MYOM1: variants seen among roughly 807,000 people sequenced by gnomAD.
MYOM1 encodes myomesin 1.
MYOM1 carries 164 observed loss-of-function variants against 205.3 expected under a neutral mutation model. The observed-to-expected ratio is 0.80, with a 90% confidence interval of 0.70 to 0.91. The LOEUF (loss-of-function observed/expected upper bound fraction) is 0.91. MYOM1 is among the 40% of genes least tolerant of loss of function. The probability of loss-of-function intolerance (pLI) is 0.00; values close to 1 mark genes in which losing one functional copy is unlikely to be tolerated. For missense variants in MYOM1, 2,011 were observed against 2,127.3 expected, an observed-to-expected ratio of 0.95 and a Z score of 1.08; for synonymous variants, 772 against 789.4, an observed-to-expected ratio of 0.98 and a Z score of 0.37.
intron 5 of MYOM1, among the ~76,000 whole-genome samples, chr18:3,184,547 T>A (rs1471953362): frequency 6.6e-6 from 1 of 152,234 alleles, no homozygotes; most frequent in Non-Finnish European, 1.5e-5. Context: ...ACTATTTTCC[T>A]AGTTGTCTCC....
intron 18 of MYOM1, among the ~76,000 whole-genome samples, chr18:3,128,714 T>C (rs1411710531): frequency 1.3e-5 from 2 of 152,222 alleles, no homozygotes; most frequent in Non-Finnish European, 2.9e-5. Flanking sequence ...CTTAAAGTAT[T>C]TAATTTTCCA....
intron 12 of MYOM1, among the ~76,000 whole-genome samples, chr18:3,150,979 C>CTTTTTTTTTTTTTTTTTTTTTT (rs1164882266): frequency 1.8e-5 from 1 of 55,924 alleles, no homozygotes; most frequent in Non-Finnish European, 3.6e-5. Context: ...CCATGCCTGG[C>CTTTTTTTTTTTTTTTTTTTTTT]TTTTTTTTTT....
chr18:3,093,408 A>G (rs1444289602), intron 26 of MYOM1, among the ~76,000 whole-genome samples: 1 of 152,224 alleles, frequency 6.6e-6, no homozygotes, highest in African/African-American at 2.4e-5. Context: ...TTGTAACTCT[A>G]TCTACAAAAA....
chr18:3,241,647 C>A, the MYOM1 span, among the ~76,000 whole-genome samples: 445 of 152,328 alleles, frequency 2.9e-3, 3 homozygotes, highest in African/African-American at 9.2e-3. Context: ...CCTACTGGGG[C>A]CCCACTCAGT....
rs772009177 is a variant in MYOM1 at position 3,193,813 on chromosome 18, C to G, written c.431+5G>C. On this transcript the variant is annotated splice_donor_5th_base_variant and intron_variant, in intron 3 of 37. Coordinates refer to ENST00000356443, the MANE Select transcript of MYOM1 (RefSeq NM_003803.4). ...ATTAAAGCCAGGAAGAAAAAGCACA[C>G]TCACCGTCCTGAGAAAATGGGTACC... 4 of 1,610,640 alleles carry G rather than the reference C, an allele frequency of 2.5e-6. No individual in the cohort carries two copies. The Admixed American group carries it at 6.7e-5, about 27-fold the overall frequency.
chr18:3,247,284 A>AG, the MYOM1 span: 1 of 152,042 alleles, frequency 6.6e-6, no homozygotes, highest in Non-Finnish European at 1.5e-5. Flanking sequence ...ACACAGAGCT[A>AG]GCATCAAGAT....
chr18:3,151,999 A>C, intron 11 of MYOM1, 106 bp from the exon 12 acceptor site: 2 of 1,213,042 alleles, frequency 1.6e-6, no homozygotes, highest in Non-Finnish European at 2.3e-6. Flanking sequence ...CTCCCTATAA[A>C]ATATCCAAGT....
At chr18:3,161,941 A>T (rs1384009119) in intron 10 of MYOM1, among the ~76,000 whole-genome samples, 3 of 152,222 alleles carry the variant, frequency 2.0e-5, no homozygotes, top group Non-Finnish European at 4.4e-5. Flanking sequence ...TAATGCATTT[A>T]CACACATAAA....
intron 5 of MYOM1, among the ~76,000 whole-genome samples, chr18:3,183,104 T>C (rs1463221192): frequency 6.6e-6 from 1 of 151,968 alleles, no homozygotes; most frequent in Non-Finnish European, 1.5e-5. Flanking sequence ...TAATTTTGTA[T>C]TTTTAGTAGA....
At chr18:3,084,112 T>G in intron 31 of MYOM1, 85 bp from the exon 32 acceptor site, 1 of 1,433,740 alleles carries the variant, frequency 7.0e-7, no homozygotes, top group Non-Finnish European at 9.6e-7. Flanking sequence ...TCTCAAAAAT[T>G]CCCTTTCTGG....
At chr18:3,148,708 T>C (rs919082292) in intron 13 of MYOM1, among the ~76,000 whole-genome samples, 48 of 150,944 alleles carry the variant, frequency 3.2e-4, no homozygotes, top group Non-Finnish European at 6.5e-4. Flanking sequence ...TAGCCAGGCG[T>C]AGTGGCGGGC....
the MYOM1 span, among the ~76,000 whole-genome samples, chr18:3,238,168 G>A: frequency 1.3e-5 from 2 of 152,152 alleles, no homozygotes; most frequent in Non-Finnish European, 2.9e-5. Context: ...AGGGGTGATG[G>A]GAGACAGTGA....
At chr18:3,229,339 A>G in the MYOM1 span, among the ~76,000 whole-genome samples, 2 of 152,040 alleles carry the variant, frequency 1.3e-5, no homozygotes. Context: ...CATGAACATC[A>G]GTATTTTTTA....
chr18:3,177,916 T>C (rs970285671), intron 5 of MYOM1, among the ~76,000 whole-genome samples: 1 of 152,232 alleles, frequency 6.6e-6, no homozygotes, highest in Admixed American at 6.5e-5. Flanking sequence ...GCCTCCCTTT[T>C]TCTGACTGTT....
chr18:3,238,458 T>C, the MYOM1 span, among the ~76,000 whole-genome samples: 79 of 149,090 alleles, frequency 5.3e-4, 2 homozygotes, highest in East Asian at 0.016. Flanking sequence ...TCATGTTATG[T>C]ACATTTTACT....
chr18:3,098,507 G>A (rs960660692), intron 25 of MYOM1, among the ~76,000 whole-genome samples: 1 of 152,072 alleles, frequency 6.6e-6, no homozygotes, highest in Non-Finnish European at 1.5e-5. Context: ...TTGAACTCCT[G>A]ACCTCATGAT....
At chr18:3,190,294 T>C (rs1320143961) in intron 3 of MYOM1, 2 of 152,218 alleles carry the variant, frequency 1.3e-5, no homozygotes, top group Non-Finnish European at 2.9e-5. Flanking sequence ...TCTCTTGACA[T>C]TGAGTCTCCT....
At chr18:3,102,405 A>C in intron 23 of MYOM1, 69 bp downstream of exon 23, 1 of 1,417,924 alleles carries the variant, frequency 7.1e-7, no homozygotes, top group Non-Finnish European at 9.5e-7. Context: ...ATTTAAGTGG[A>C]AATCAGAGCT....
In MYOM1 at chr18:3,215,196, G is replaced by A. The variant is rs780541568; in HGVS notation, c.28C>T (p.His10Tyr). 3 of 1,612,308 alleles carry A rather than the reference G, an allele frequency of 1.9e-6. No individual in the cohort carries two copies. Among genetic ancestry groups the A allele is most frequent in the Non-Finnish European group, 2.5e-6 (3 of 1,179,216 alleles). The change falls in exon 2 of 38, where the codon CAC becomes TAC. Residue 10 changes from histidine (H) to tyrosine (Y), a missense_variant. Physicochemically the swap from His to Tyr is moderately conservative, Grantham distance 83. Coordinates refer to ENST00000356443, the MANE Select transcript of MYOM1 (RefSeq NM_003803.4). ...CGGTAGCTGAGATCATAGTGCTGGT[G>A]GCACCTCTGATAAAAAGGCAAAGAC... MSLPFYQRC[H>Y]QHYDLSYRNK...
Sources: gnomAD v4.1 joint callset for allele counts (sites outside exome capture counted in the v4.1 genomes callset) on GRCh38, gnomAD v4.1.1 for gene constraint, MANE v1.5 for transcripts, NCBI Gene and HGNC (gene_info 2026-07-23, HGNC 2026-07-21) for gene names.